The following KIF26B variants were observed in gnomAD, a reference collection of about 807,000 sequenced individuals.
KIF26B encodes the protein kinesin family member 26B, also known as kinesin-like protein KIF26B.
In KIF26B, 63 loss-of-function variants were observed where a neutral mutation model predicts 151.2. The observed-to-expected ratio is 0.42, with a 90% confidence interval of 0.34 to 0.51. The LOEUF (loss-of-function observed/expected upper bound fraction) is 0.51. Ranked by LOEUF, KIF26B falls within the 20% of genes least tolerant of loss-of-function variation. The pLI, the probability that KIF26B is intolerant of heterozygous loss-of-function variation, is 0.07. For synonymous variants in KIF26B, 1,357 were observed against 1,262.1 expected (o/e 1.08, Z -1.59); for missense variants, 2,813 against 2,913.6 (o/e 0.97, Z 0.79).
chr1:245,661,819 GAT>G (rs1224962548), intron 10 of KIF26B, among the ~76,000 whole-genome samples: 1 of 125,276 alleles, frequency 8.0e-6, no homozygotes, highest in African/African-American at 3.1e-5. Flanking sequence ...TACACCCAAT[GAT>G]ATATATATTA....
intron 4 of KIF26B, among the ~76,000 whole-genome samples, chr1:245,429,699 C>T (rs773346147): frequency 1.3e-5 from 2 of 152,196 alleles, no homozygotes; most frequent in African/African-American, 2.4e-5. Context: ...CTGCAATCTC[C>T]ACCTCCTGGG....
At chr1:245,551,656 C>G (rs1432112148) in intron 5 of KIF26B, among the ~76,000 whole-genome samples, 1 of 152,200 alleles carries the variant, frequency 6.6e-6, no homozygotes, top group African/African-American at 2.4e-5. Context: ...CAGTCACGCT[C>G]TGTTACAAGT....
chr1:245,648,671 C>T (rs897634183), intron 10 of KIF26B, among the ~76,000 whole-genome samples: 6 of 152,064 alleles, frequency 3.9e-5, no homozygotes, highest in Non-Finnish European at 8.8e-5. Context: ...ATTAATCGTT[C>T]AAGCTTCGTG....
chr1:245,645,514 T>C (rs1256414697), intron 9 of KIF26B, among the ~76,000 whole-genome samples: 1 of 152,202 alleles, frequency 6.6e-6, no homozygotes, highest in Non-Finnish European at 1.5e-5. Context: ...GAAAGGATAA[T>C]AGTATTTAGC....
At chr1:245,362,465 G>C (rs1418382487) in intron 2 of KIF26B, among the ~76,000 whole-genome samples, 3 of 151,464 alleles carry the variant, frequency 2.0e-5, no homozygotes, top group Admixed American at 2.0e-4. Context: ...TTGAACCAGG[G>C]AGGCGGAGGT....
At chr1:245,552,947 C>A (rs556047581) in intron 5 of KIF26B, among the ~76,000 whole-genome samples, 2 of 152,082 alleles carry the variant, frequency 1.3e-5, no homozygotes, top group East Asian at 3.9e-4. Context: ...TGGGGCAGTG[C>A]GGGGAGGCAG....
intron 5 of KIF26B, among the ~76,000 whole-genome samples, chr1:245,561,517 C>T (rs1275440765): frequency 1.3e-5 from 2 of 152,190 alleles, no homozygotes; most frequent in Non-Finnish European, 2.9e-5. Context: ...AAATTCTTCC[C>T]TAGGGCTGGG....
chr1:245,398,138 G>A (rs554244510), intron 3 of KIF26B, among the ~76,000 whole-genome samples: 1 of 152,250 alleles, frequency 6.6e-6, no homozygotes, highest in Non-Finnish European at 1.5e-5. Flanking sequence ...CTAGGGTTTG[G>A]CTCTACTGTG....
intron 2 of KIF26B, among the ~76,000 whole-genome samples, chr1:245,356,157 A>AAC (rs1672693140): frequency 6.6e-6 from 1 of 152,168 alleles, no homozygotes; most frequent in Non-Finnish European, 1.5e-5. Context: ...GGCTTTTCTG[A>AAC]ACACACGAGC....
chr1:245,592,009 G>GATGA (rs1013191279), intron 5 of KIF26B, among the ~76,000 whole-genome samples: 1 of 152,202 alleles, frequency 6.6e-6, no homozygotes, highest in Admixed American at 6.5e-5. Context: ...GACTCGTGTT[G>GATGA]ATGAAGACCT....
chr1:245,229,895 G>A (rs1669956355), intron 2 of KIF26B, among the ~76,000 whole-genome samples: 1 of 152,320 alleles, frequency 6.6e-6, no homozygotes, highest in East Asian at 1.9e-4. Context: ...CGCACTTTGG[G>A]AGGCCGAGGT....
intron 2 of KIF26B, among the ~76,000 whole-genome samples, chr1:245,273,215 AC>A (rs1368027756): frequency 1.3e-5 from 2 of 152,150 alleles, no homozygotes; most frequent in African/African-American, 4.8e-5. Flanking sequence ...GGAGTTTGAG[AC>A]CAGCATGGGC....
At chr1:245,161,620 C>T (rs571817983) in intron 2 of KIF26B, among the ~76,000 whole-genome samples, 2 of 152,066 alleles carry the variant, frequency 1.3e-5, no homozygotes, top group East Asian at 1.9e-4. Flanking sequence ...CTACATACCA[C>T]GAACTACACT....
chr1:245,438,998 T>A (rs1658999714), intron 4 of KIF26B, among the ~76,000 whole-genome samples: 2 of 152,174 alleles, frequency 1.3e-5, no homozygotes, highest in Non-Finnish European at 2.9e-5. Context: ...TGGATACATA[T>A]GACAAAACTC....
chr1:245,373,252 T>G (rs1673168784), intron 3 of KIF26B, among the ~76,000 whole-genome samples: 1 of 152,204 alleles, frequency 6.6e-6, no homozygotes, highest in Non-Finnish European at 1.5e-5. Context: ...TTTCCATGAC[T>G]GGCCCTAGTT....
chr1:245,515,369 A>G (rs1558195159), intron 4 of KIF26B, among the ~76,000 whole-genome samples: 1 of 151,974 alleles, frequency 6.6e-6, no homozygotes, highest in Non-Finnish European at 1.5e-5. Context: ...TTCCCACTCG[A>G]CTGTCATCTC....
chr1:245,654,714 G>A (rs1282600482), intron 10 of KIF26B, among the ~76,000 whole-genome samples: 2 of 152,140 alleles, frequency 1.3e-5, no homozygotes, highest in Admixed American at 1.3e-4. Context: ...TCCCACAGTG[G>A]AGAACCAGAC....
At chr1:245,478,206 G>C (rs1441630966) in intron 4 of KIF26B, among the ~76,000 whole-genome samples, 1 of 151,794 alleles carries the variant, frequency 6.6e-6, no homozygotes, top group East Asian at 1.9e-4. Flanking sequence ...TCCATGGTAT[G>C]GATAGACCAG....
At chr1:245,202,235 A>ACTCACTGCC (rs2103538497) in intron 2 of KIF26B, among the ~76,000 whole-genome samples, 1 of 151,584 alleles carries the variant, frequency 6.6e-6, no homozygotes, top group Non-Finnish European at 1.5e-5. Context: ...TCGCAACGTT[A>ACTCACTGCC]CTCACTGCCC....
Sources: gnomAD v4.1 joint callset for allele counts (sites outside exome capture counted in the v4.1 genomes callset) on GRCh38, gnomAD v4.1.1 for gene constraint, MANE v1.5 for transcripts, NCBI Gene and HGNC (gene_info 2026-07-23, HGNC 2026-07-21) for gene names.